The following IL5 variants were observed in gnomAD, a reference collection of about 807,000 sequenced individuals.
The protein encoded by IL5 is interleukin-5.
IL5 carries 12 observed loss-of-function variants against 16.3 expected under a neutral mutation model. The observed-to-expected ratio is 0.74, with a 90% CI of 0.47 to 1.20. The LOEUF is 1.20. IL5 is among the 50% of genes most tolerant of loss of function. The probability of loss-of-function intolerance (pLI) is 0.00; values close to 1 mark genes in which losing one functional copy is unlikely to be tolerated. For synonymous variants in IL5, 54 were observed against 56.6 expected (o/e 0.95, Z 0.21); for missense variants, 159 against 153.9 (o/e 1.03, Z -0.17).
chr5:132,544,679 A>G (rs1749756367), upstream of IL5, among the ~76,000 whole-genome samples: 1 of 152,270 alleles, frequency 6.6e-6, no homozygotes, highest in Non-Finnish European at 1.5e-5. Flanking sequence ...GCCTGAACAC[A>G]TATGATGGAG....
upstream of IL5, among the ~76,000 whole-genome samples, chr5:132,548,243 A>C (rs1029401890): frequency 1.3e-5 from 2 of 152,058 alleles, no homozygotes; most frequent in African/African-American, 4.8e-5. Flanking sequence ...AAAAAAAAAA[A>C]AGCAGAACTT....
At chr5:132,550,292 C>G (rs1749862774) in intron 1 of IL5, among the ~76,000 whole-genome samples, 2 of 151,926 alleles carry the variant, frequency 1.3e-5, no homozygotes, top group Non-Finnish European at 2.9e-5. Flanking sequence ...ACCAGATTAC[C>G]CTCTGAAAAT....
upstream of IL5, among the ~76,000 whole-genome samples, chr5:132,545,660 A>T (rs1241075762): frequency 1.3e-5 from 2 of 152,150 alleles, no homozygotes; most frequent in Non-Finnish European, 2.9e-5. Flanking sequence ...AGCATGCATG[A>T]TCTGTCTAAA....
At chr5:132,548,312 T>G (rs1444983379), upstream of IL5, among the ~76,000 whole-genome samples, 1 of 152,050 alleles carries the variant, frequency 6.6e-6, no homozygotes, top group East Asian at 1.9e-4. Flanking sequence ...GACTATGAGC[T>G]CCTTGAGAAT....
At chr5:132,548,229 C>CAAAA (rs112997896), upstream of IL5, among the ~76,000 whole-genome samples, 1 of 96,604 alleles carries the variant, frequency 1.0e-5, no homozygotes, top group Non-Finnish European at 2.2e-5. Flanking sequence ...GACCCTGTCT[C>CAAAA]AAAAAAAAAA....
upstream of IL5, among the ~76,000 whole-genome samples, chr5:132,547,164 A>C (rs1458179410): frequency 6.6e-6 from 1 of 152,204 alleles, no homozygotes; most frequent in African/African-American, 2.4e-5. Flanking sequence ...TTTCATTAAG[A>C]GTGGGATATA....
chr5:132,545,934 C>A (rs938508834), upstream of IL5, among the ~76,000 whole-genome samples: 4 of 151,518 alleles, frequency 2.6e-5, no homozygotes, highest in Non-Finnish European at 5.9e-5. Context: ...AACAAACAAA[C>A]AAAAAAACAA....
upstream of IL5, among the ~76,000 whole-genome samples, chr5:132,545,080 T>A (rs1166202106): frequency 6.6e-6 from 1 of 152,174 alleles, no homozygotes; most frequent in East Asian, 1.9e-4. Flanking sequence ...ACTGCAGAAG[T>A]TTGGCTCACT....
At chr5:132,546,501 T>C (rs1412001114), upstream of IL5, among the ~76,000 whole-genome samples, 2 of 152,230 alleles carry the variant, frequency 1.3e-5, no homozygotes, top group East Asian at 3.8e-4. Flanking sequence ...TAAGGCTGAA[T>C]AATATTTCAT....
rs1328145057 is a variant in IL5, at chr5:132,542,071, CA to C, written c.249del (p.Val84TrpfsTer10). 1 of 1,613,698 alleles carries C rather than the reference CA, an allele frequency of 6.2e-7. No individual in the cohort carries two copies. The highest frequency in any genetic ancestry group is 1.7e-5 in the Admixed American group (1 of 60,016). On this transcript the variant is annotated frameshift_variant, in exon 3 of 4. Coordinates refer to ENST00000231454, the MANE Select transcript of IL5 (RefSeq NM_000879.3). LOFTEE classifies it high-confidence loss of function. ...TLESQTVQGG[T>X]VERLFKNLSL... The stretch of plus-strand genomic sequence containing the variant: ...GACAAGTTTTTGAATAGTCTTTCCA[CA>C]GTACCCCCTTGCACAGTTTGACTCT...
chr5:132,550,293 C>T (rs918638358), intron 1 of IL5, among the ~76,000 whole-genome samples: 1 of 151,880 alleles, frequency 6.6e-6, no homozygotes, highest in African/African-American at 2.4e-5. Flanking sequence ...CCAGATTACC[C>T]TCTGAAAATA....
At chr5:132,545,610 G>A (rs149384553), upstream of IL5, among the ~76,000 whole-genome samples, 1 of 152,296 alleles carries the variant, frequency 6.6e-6, no homozygotes, top group African/African-American at 2.4e-5. Flanking sequence ...AATGGGCAGG[G>A]TGTAATACAT....
upstream of IL5, among the ~76,000 whole-genome samples, chr5:132,547,216 G>T (rs758158450): frequency 3.9e-5 from 6 of 152,166 alleles, no homozygotes; most frequent in Non-Finnish European, 8.8e-5. Context: ...GGAAAGGGGA[G>T]AATAAGAGGA....
intron 1 of IL5, among the ~76,000 whole-genome samples, chr5:132,551,754 TGAATA>T (rs1749886298): frequency 6.6e-6 from 1 of 152,230 alleles, no homozygotes; most frequent in Admixed American, 6.5e-5. Context: ...TGTTTAATAT[TGAATA>T]GAAGTGTTTT....
intron 2 of IL5, 21 bp from the exon 3 acceptor site, chr5:132,542,164 A>T: frequency 6.3e-7 from 1 of 1,597,254 alleles, no homozygotes; most frequent in Non-Finnish European, 8.5e-7. Flanking sequence ...AAAATTTTTA[A>T]AATGCAAATA....
At chr5:132,553,772 T>TA (rs1749922160) in intron 1 of IL5, among the ~76,000 whole-genome samples, 1 of 151,492 alleles carries the variant, frequency 6.6e-6, no homozygotes, top group African/African-American at 2.4e-5. Flanking sequence ...CCGTCTCTAC[T>TA]AAAAATACAA....
chr5:132,553,846 G>C lies in IL5; in HGVS notation c.42+2828C>G, dbSNP rs528885444. On this transcript the variant is annotated intron_variant, in intron 1 of 2. Transcript: ENST00000450655. ...GCTACAGTCCTCAGAGGCTGAGGCAGTAGAATGGCGTGAACCCGGGAGGCG... is the reference window on the plus strand; with the variant it reads ...GCTACAGTCCTCAGAGGCTGAGGCACTAGAATGGCGTGAACCCGGGAGGCG... 2.0e-3 allele frequency among the ~76,000 whole-genome samples: 295 copies of C among 150,736 alleles called. 1 individual carries two copies. The highest frequency in any genetic ancestry group is 5.6e-3 in the African/African-American group (228 of 40,970).
chr5:132,546,112 CT>C (rs1312864808), upstream of IL5, among the ~76,000 whole-genome samples: 1 of 152,132 alleles, frequency 6.6e-6, no homozygotes, highest in African/African-American at 2.4e-5. Context: ...ATAAAAAATA[CT>C]TCTTATTCAA....
intron 1 of IL5, among the ~76,000 whole-genome samples, chr5:132,552,156 C>T (rs1749893302): frequency 6.6e-6 from 1 of 152,076 alleles, no homozygotes; most frequent in Non-Finnish European, 1.5e-5. Context: ...GTAGTCCCAG[C>T]TACTCAGGAG....
Sources: gnomAD v4.1 joint callset for allele counts (sites outside exome capture counted in the v4.1 genomes callset) on GRCh38, gnomAD v4.1.1 for gene constraint, MANE v1.5 for transcripts, NCBI Gene and HGNC (gene_info 2026-07-23, HGNC 2026-07-21) for gene names.